IMMT: variants seen among roughly 807,000 people sequenced by gnomAD.
The protein encoded by IMMT is inner membrane mitochondrial protein.
A neutral mutation model predicts 92.7 loss-of-function variants in IMMT; 40 were observed. That is an observed-to-expected ratio of 0.43 (90% CI 0.34 to 0.56). The LOEUF is 0.56. IMMT is among the 20% of genes least tolerant of loss of function. The pLI, the probability that IMMT is intolerant of heterozygous loss-of-function variation, is 0.03. For missense variants in IMMT, 831 were observed against 912.1 expected (o/e 0.91, Z 1.14); for synonymous variants, 322 against 336.1 (o/e 0.96, Z 0.46).
chr2:86,146,223 GAA>G (rs1200194356), intron 13 of IMMT, 26 bp from the exon 14 acceptor site: 69 of 1,586,272 alleles, frequency 4.3e-5, no homozygotes, highest in Non-Finnish European at 5.9e-5. Flanking sequence ...AATAGTTCCA[GAA>G]AAAAGTGATA....
At chr2:86,161,097 T>TAAAA (rs11438083) in intron 8 of IMMT, among the ~76,000 whole-genome samples, 2 of 140,634 alleles carry the variant, frequency 1.4e-5, no homozygotes, top group African/African-American at 5.3e-5. Context: ...GACCATGAAT[T>TAAAA]AAAAAAAAAA....
At chr2:86,174,633 T>G (rs1677311869) in intron 3 of IMMT, among the ~76,000 whole-genome samples, 1 of 152,204 alleles carries the variant, frequency 6.6e-6, no homozygotes, top group African/African-American at 2.4e-5. Flanking sequence ...GAATCTATCC[T>G]TCTACTCCTG....
chr2:86,145,923 T>C (rs1180279911), intron 14 of IMMT, 145 bp downstream of exon 14: 12 of 583,806 alleles, frequency 2.1e-5, no homozygotes, highest in Non-Finnish European at 1.6e-5. Context: ...GCCATTACTT[T>C]TAATGGCAAA....
At chr2:86,146,373 A>G (rs202017481) in intron 13 of IMMT, among the ~76,000 whole-genome samples, 176 bp from the exon 14 acceptor site, 1 of 106,270 alleles carries the variant, frequency 9.4e-6, no homozygotes, top group Non-Finnish European at 2.0e-5. Context: ...TGTATATAAT[A>G]TATTTTTTTT....
chr2:86,159,632 T>G lies in IMMT; in HGVS notation c.936A>C (p.Ala312=), dbSNP rs373353913. The G allele has an allele frequency of 1.3e-6, 2 of 1,579,440 alleles. No individual in the cohort carries two copies. Among genetic ancestry groups the G allele is most frequent in the African/African-American group, 2.8e-5 (2 of 72,614 alleles). The change falls in exon 9 of 15, where the codon GCA becomes GCC. Residue 312 remains alanine (A), a synonymous_variant. Coordinates refer to ENST00000410111, the MANE Select transcript of IMMT (RefSeq NM_006839.3). ...TGGCCCCAGCAACCTCTTTTTTCTT[T>G]GCATTTTCAATCACACTTTTCATCT... The part of the protein sequence containing the change: ...LEKMKSVIEN[A]KKKEVAGAKP...
chr2:86,187,869 G>A (rs1341993999), intron 1 of IMMT, among the ~76,000 whole-genome samples: 5 of 150,042 alleles, frequency 3.3e-5, no homozygotes, highest in Non-Finnish European at 7.4e-5. Flanking sequence ...CCGAGATCGC[G>A]CCACTGCACT....
In IMMT at chr2:86,161,964, A is replaced by C. The variant is rs1676309379; in HGVS notation, c.896+12T>G. On this transcript the variant is annotated intron_variant, in intron 8 of 14. Transcript: ENST00000410111. ...AGGCCCTAATTACTTGTTAAAGTCC[A>C]TGAGTAATTACTTGGCTTTGAGAAG... 1 of 1,560,676 alleles carries C rather than the reference A, an allele frequency of 6.4e-7. No homozygotes were observed. The highest frequency in any genetic ancestry group is 8.7e-7 in the Non-Finnish European group (1 of 1,145,038).
At chr2:86,163,423 A>G (rs1676431052) in intron 7 of IMMT, among the ~76,000 whole-genome samples, 1 of 152,238 alleles carries the variant, frequency 6.6e-6, no homozygotes, top group East Asian at 1.9e-4. Flanking sequence ...GAGATCTGCA[A>G]GTACTATAAT....
At chr2:86,168,553 T>A (rs895962544) in intron 6 of IMMT, among the ~76,000 whole-genome samples, 1 of 151,934 alleles carries the variant, frequency 6.6e-6, no homozygotes, top group African/African-American at 2.4e-5. Flanking sequence ...AACCTGGGAG[T>A]TGGAGGTTGT....
At chr2:86,179,068 AAAACAAAAACAAAAAC>A (rs541800199) in intron 3 of IMMT, among the ~76,000 whole-genome samples, 50 of 152,062 alleles carry the variant, frequency 3.3e-4, no homozygotes, top group Non-Finnish European at 6.5e-4. Context: ...TCTCAAAACA[AAAACAAAAACAAAAAC>A]AAACAAAAAC....
chr2:86,178,994 G>C (rs1380607589), intron 3 of IMMT, among the ~76,000 whole-genome samples: 5 of 152,202 alleles, frequency 3.3e-5, no homozygotes, highest in Non-Finnish European at 7.3e-5. Context: ...CCCGGAGGCG[G>C]AGGTTGCGGT....
intron 8 of IMMT, among the ~76,000 whole-genome samples, chr2:86,160,766 A>AC (rs1428696066): frequency 6.6e-6 from 1 of 152,196 alleles, no homozygotes; most frequent in Non-Finnish European, 1.5e-5. Flanking sequence ...AACGTGGCAT[A>AC]CCTATTACAT....
At chr2:86,155,151 C>T (rs1192274661) in intron 10 of IMMT, among the ~76,000 whole-genome samples, 2 of 152,248 alleles carry the variant, frequency 1.3e-5, no homozygotes, top group Non-Finnish European at 2.9e-5. Context: ...GCATAAGCCA[C>T]TGCACCTGGC....
chr2:86,166,766 T>C (rs1403507089), intron 6 of IMMT, 122 bp from the exon 7 acceptor site: 3 of 900,958 alleles, frequency 3.3e-6, no homozygotes, highest in Non-Finnish European at 4.8e-6. Flanking sequence ...AGGAACAAAA[T>C]ACATGAGACT....
At position 86,144,483 on chromosome 2, in the gene IMMT, A is replaced by T. The variant is rs756728880; in HGVS notation, c.2062T>A (p.Phe688Ile). 12 of 1,613,816 alleles carry T rather than the reference A, an allele frequency of 7.4e-6. No homozygotes were observed. The African/African-American group carries it at 1.3e-4, about 18-fold the overall frequency. Residue 688 changes from phenylalanine to isoleucine, a missense_variant, in exon 15 of 15, where the codon TTT (phenylalanine) becomes ATT (isoleucine). Phe to Ile is a conservative substitution (Grantham distance 21). Coordinates refer to ENST00000410111, the MANE Select transcript of IMMT (RefSeq NM_006839.3). ...TAGGAAGCATATGACAGTAATTTAA[A>T]TGTGTTTATATCCTCAGGGCAGAGC... The part of the protein sequence containing the change: ...PELCPEDINT[F>I]KLLSYASYCI...
At chr2:86,191,989 T>C (rs913499957) in intron 1 of IMMT, among the ~76,000 whole-genome samples, 1 of 151,962 alleles carries the variant, frequency 6.6e-6, no homozygotes, top group Non-Finnish European at 1.5e-5. Flanking sequence ...CCCAGCACTT[T>C]GGGGAGGAGA....
Position 86,147,839 on chromosome 2 carries a change from A to C in IMMT, c.1402-6T>G, listed in dbSNP as rs1025505293. 1 of 1,612,942 alleles carries C rather than the reference A, an allele frequency of 6.2e-7. No individual in the cohort carries two copies. The highest frequency in any genetic ancestry group is 1.3e-5 in the African/African-American group (1 of 74,922). On this transcript the variant is annotated splice_polypyrimidine_tract_variant and splice_region_variant and intron_variant, in intron 12 of 14. Transcript: ENST00000410111. ...GCATCTCTGACTTCTTCTATCTGTGAAACCAAACATAGTAGTTATTAGTTT... is the reference window on the plus strand; with the variant it reads ...GCATCTCTGACTTCTTCTATCTGTGCAACCAAACATAGTAGTTATTAGTTT...
At chr2:86,153,916 G>A (rs1675664799) in intron 10 of IMMT, among the ~76,000 whole-genome samples, 1 of 152,176 alleles carries the variant, frequency 6.6e-6, no homozygotes, top group East Asian at 1.9e-4. Context: ...AGCCTGGAGT[G>A]CAGTGGTACA....
intron 10 of IMMT, 103 bp downstream of exon 10, chr2:86,158,489 G>T: frequency 1.1e-6 from 1 of 897,250 alleles, no homozygotes; most frequent in Non-Finnish European, 1.7e-6. Flanking sequence ...AGATATGCAT[G>T]CATGCCAGAG....
Sources: gnomAD v4.1 joint callset for allele counts (sites outside exome capture counted in the v4.1 genomes callset) on GRCh38, gnomAD v4.1.1 for gene constraint, MANE v1.5 for transcripts, NCBI Gene and HGNC (gene_info 2026-07-23, HGNC 2026-07-21) for gene names.